Variants in KLHL7 observed in about 807,000 individuals in gnomAD.
KLHL7 encodes the protein kelch like family member 7.
In KLHL7, 44 loss-of-function variants were observed where a neutral mutation model predicts 67.4. That is an observed-to-expected ratio of 0.65 (90% CI 0.51 to 0.84). The LOEUF is 0.84. KLHL7 is among the 40% of genes least tolerant of loss of function. KLHL7 has a pLI of 0.00. For missense variants in KLHL7, 362 were observed against 718.1 expected (o/e 0.50, Z 5.67); for synonymous variants, 252 against 243.3 (o/e 1.04, Z -0.33).
intron 4 of KLHL7, among the ~76,000 whole-genome samples, chr7:23,135,058 G>A (rs1369090633): frequency 1.3e-5 from 2 of 151,914 alleles, no homozygotes; most frequent in Middle Eastern, 3.2e-3. Context: ...CTCTCTTGAT[G>A]TAGGCACTTA....
intron 6 of KLHL7, 42 bp from the exon 7 acceptor site, chr7:23,152,025 G>A: frequency 6.2e-7 from 1 of 1,607,270 alleles, no homozygotes; most frequent in Non-Finnish European, 8.5e-7. Flanking sequence ...GCACTGGTTA[G>A]TGCCTGAAGT....
At chr7:23,144,143 T>C in intron 6 of KLHL7, 118 bp downstream of exon 6, 1 of 867,494 alleles carries the variant, frequency 1.2e-6, no homozygotes, top group Non-Finnish European at 1.9e-6. Flanking sequence ...GATTTTGCTC[T>C]TCTAGATAGT....
rs965637162 is a variant in KLHL7 at position 23,165,718 on chromosome 7, C to T, written c.957C>T (p.Ile319=). 1 of 1,614,024 alleles carries T rather than the reference C, an allele frequency of 6.2e-7. No homozygotes were observed. The highest frequency in any genetic ancestry group is 8.5e-7 in the Non-Finnish European group (1 of 1,180,008). The change falls in exon 8 of 11, where the codon ATC becomes ATT. Residue 319 remains isoleucine, a synonymous_variant. Coordinates refer to ENST00000339077, the MANE Select transcript of KLHL7 (RefSeq NM_001031710.3). The part of the protein sequence containing the change: ...FNPKDYSWTD[I]RCPFEKRRDA... ...TACAGGATTATAGCTGGACAGACAT[C>T]CGCTGCCCCTTTGAAAAACGAAGAG...
chr7:23,141,745 C>T (rs1220948991), intron 5 of KLHL7, among the ~76,000 whole-genome samples: 2 of 151,976 alleles, frequency 1.3e-5, no homozygotes, highest in Non-Finnish European at 2.9e-5. Flanking sequence ...GCCTCAGCCT[C>T]CCTAGTAGCT....
chr7:23,159,779 C>T (rs1219860437), intron 7 of KLHL7, among the ~76,000 whole-genome samples: 1 of 152,184 alleles, frequency 6.6e-6, no homozygotes, highest in Non-Finnish European at 1.5e-5. Flanking sequence ...ATCTGCCTGC[C>T]TCAACCTCCC....
intron 7 of KLHL7, among the ~76,000 whole-genome samples, chr7:23,159,360 G>T (rs1449727777): frequency 6.6e-6 from 1 of 152,064 alleles, no homozygotes; most frequent in East Asian, 1.9e-4. Flanking sequence ...GTGGAGACAA[G>T]GGTCTCACTA....
rs1404378655 is a variant in KLHL7, at chr7:23,167,817, G to A, written c.1178-19G>A. ...GCACACACTAAAGTTAAGCATGATG[G>A]GGCCTTTTTCTTTTACAGGAAACTC... is the stretch of plus-strand genomic sequence containing the variant. On this transcript the variant is annotated intron_variant, in intron 8 of 10. Transcript: ENST00000339077. 6.2e-7 allele frequency: 1 copy of A among 1,611,302 alleles called. No homozygotes were observed. The highest frequency in any genetic ancestry group is 1.7e-5 in the Admixed American group (1 of 60,004).
At chr7:23,140,283 G>A (rs182174043) in intron 4 of KLHL7, among the ~76,000 whole-genome samples, 2 of 152,288 alleles carry the variant, frequency 1.3e-5, no homozygotes, top group East Asian at 1.9e-4. Flanking sequence ...AGCTGGGCGC[G>A]GTGGCTCATG....
chr7:23,125,790 C>A, intron 4 of KLHL7: 1 of 1,534,548 alleles, frequency 6.5e-7, no homozygotes, highest in Non-Finnish European at 8.8e-7. Context: ...TCAGAGCCTT[C>A]CAGAGTGTGG....
chr7:23,128,019 A>G (rs2128461207), intron 4 of KLHL7, among the ~76,000 whole-genome samples: 1 of 151,298 alleles, frequency 6.6e-6, no homozygotes, highest in Middle Eastern at 3.4e-3. Flanking sequence ...AGTCCAAGCT[A>G]CTCCAGAGGC....
Position 23,148,410 on chromosome 7 carries a change from A to C in KLHL7, c.794-3657A>C, listed in dbSNP as rs1032851649. ...ACAAGAAAATTAAAAAAAAAAAAAA[A>C]CAGCAGCCCCAAAGCTACTTGAACC... On this transcript the variant is annotated intron_variant, in intron 6 of 10. Transcript: ENST00000339077. Among the ~76,000 whole-genome samples, 9 of 138,086 alleles carry C rather than the reference A, an allele frequency of 6.5e-5. No individual in the cohort carries two copies. In the South Asian group the frequency reaches 2.0e-3, roughly 30 times the overall value. The allele number at this position is 138,086 out of a possible 152,430, so 90.6% of individuals were successfully genotyped here.
rs140320236 is a variant in KLHL7, at chr7:23,136,115, C to G, written c.443-4654C>G. Reference sequence around the variant, plus strand: ...AGAGATCAACTATCCCAGCTGGTGTCTACAACAAGTTACTTAGAAAAGAAA... The same window carrying G: ...AGAGATCAACTATCCCAGCTGGTGTGTACAACAAGTTACTTAGAAAAGAAA... On this transcript the variant is annotated intron_variant, in intron 4 of 10. Coordinates refer to ENST00000339077, the MANE Select transcript of KLHL7 (RefSeq NM_001031710.3). 2.2e-4 allele frequency among the ~76,000 whole-genome samples: 34 copies of G among 152,056 alleles called. No individual in the cohort carries two copies. The East Asian group carries it at 6.2e-3, about 28-fold the overall frequency.
chr7:23,134,376 A>G (rs1189790513), intron 4 of KLHL7, among the ~76,000 whole-genome samples: 1 of 152,184 alleles, frequency 6.6e-6, no homozygotes, highest in Non-Finnish European at 1.5e-5. Context: ...GGATTTTTGC[A>G]TCAATGTTCA....
intron 1 of KLHL7, among the ~76,000 whole-genome samples, chr7:23,112,425 A>G (rs939970462): frequency 1.3e-5 from 2 of 152,260 alleles, no homozygotes; most frequent in African/African-American, 4.8e-5. Context: ...ATCTGCATAT[A>G]GAAGATAACT....
chr7:23,144,947 A>T (rs79712583), intron 6 of KLHL7, among the ~76,000 whole-genome samples: 1 of 150,906 alleles, frequency 6.6e-6, no homozygotes, highest in Non-Finnish European at 1.5e-5. Flanking sequence ...AAAAAAAAAA[A>T]CCTAGCCGGG....
chr7:23,135,261 A>C (rs1342354971), intron 4 of KLHL7, among the ~76,000 whole-genome samples: 3 of 152,140 alleles, frequency 2.0e-5, no homozygotes, highest in African/African-American at 7.2e-5. Flanking sequence ...CTTGTTATTA[A>C]TATCTAGTTT....
chr7:23,127,649 G>A (rs769317227), intron 4 of KLHL7, among the ~76,000 whole-genome samples: 2 of 152,018 alleles, frequency 1.3e-5, no homozygotes, highest in Admixed American at 6.6e-5. Flanking sequence ...CAAAGATCAT[G>A]TAAAAAATTA....
chr7:23,108,010 C>A (rs901963039), intron 1 of KLHL7, among the ~76,000 whole-genome samples: 2 of 152,060 alleles, frequency 1.3e-5, no homozygotes, highest in African/African-American at 4.8e-5. Flanking sequence ...CTGGTCTGAG[C>A]CAGAGTAGGA....
At position 23,175,005 on chromosome 7, in the gene KLHL7, A is replaced by C; in HGVS notation, c.*707A>C. ...ATGTCTCTGTTTTATCCAGTGGTTA[A>C]AAAAGGATTCTGCCTCTTTAGTCCT... On this transcript the variant is annotated 3_prime_UTR_variant, in exon 11 of 11. Coordinates refer to ENST00000339077, the MANE Select transcript of KLHL7 (RefSeq NM_001031710.3). 2.2e-6 allele frequency: 1 copy of C among 449,024 alleles called. No individual in the cohort carries two copies. The highest frequency in any genetic ancestry group is 4.5e-6 in the Non-Finnish European group (1 of 224,188). The allele number at this position is 449,024 out of a possible 1,614,324, so 27.8% of individuals were successfully genotyped here.
Sources: gnomAD v4.1 joint callset for allele counts (sites outside exome capture counted in the v4.1 genomes callset) on GRCh38, gnomAD v4.1.1 for gene constraint, MANE v1.5 for transcripts, NCBI Gene and HGNC (gene_info 2026-07-23, HGNC 2026-07-21) for gene names.